TAF4B: variants seen among roughly 807,000 people sequenced by gnomAD.
The protein encoded by TAF4B is transcription initiation factor TFIID subunit 4B.
Under a neutral mutation model 86.4 loss-of-function variants are expected in TAF4B, and 38 were observed. That is an observed-to-expected ratio of 0.44 (90% CI 0.34 to 0.58). The LOEUF is 0.58. TAF4B is among the 20% of genes least tolerant of loss of function. The pLI is 0.02. For synonymous variants in TAF4B, 388 were observed against 391.2 expected (o/e 0.99, Z 0.10); for missense variants, 988 against 1,027.6 (o/e 0.96, Z 0.53).
intron 13 of TAF4B, among the ~76,000 whole-genome samples, chr18:26,354,603 A>C (rs1422156379): frequency 1.3e-5 from 2 of 152,200 alleles, no homozygotes; most frequent in Admixed American, 1.3e-4. Flanking sequence ...TTTTAGGCCA[A>C]GGTTCAGGCC....
intron 14 of TAF4B, among the ~76,000 whole-genome samples, chr18:26,377,458 T>C (rs919829795): frequency 1.3e-5 from 2 of 152,212 alleles, no homozygotes; most frequent in Non-Finnish European, 2.9e-5. Flanking sequence ...TTCTTAACTC[T>C]GCATATATGA....
At chr18:26,377,893 C>T (rs1201626877) in intron 14 of TAF4B, among the ~76,000 whole-genome samples, 1 of 152,124 alleles carries the variant, frequency 6.6e-6, no homozygotes, top group African/African-American at 2.4e-5. Flanking sequence ...ACTAGTATTA[C>T]ATGTAGCAAA....
At chr18:26,340,292 T>C (rs1031853169) in intron 13 of TAF4B, among the ~76,000 whole-genome samples, 4 of 152,202 alleles carry the variant, frequency 2.6e-5, no homozygotes, top group African/African-American at 9.6e-5. Context: ...TTTGAAAATA[T>C]ATGAAGTCAA....
chr18:26,298,224 T>C (rs1019241363), intron 9 of TAF4B, among the ~76,000 whole-genome samples: 3 of 151,838 alleles, frequency 2.0e-5, no homozygotes, highest in African/African-American at 7.3e-5. Flanking sequence ...ATTAATTAAT[T>C]AATTTATTTA....
chr18:26,370,634 A>AT (rs992062752), intron 14 of TAF4B, among the ~76,000 whole-genome samples: 5 of 152,130 alleles, frequency 3.3e-5, no homozygotes, highest in African/African-American at 1.2e-4. Flanking sequence ...CCCCCAGAGA[A>AT]TGAGGTACGA....
intron 9 of TAF4B, among the ~76,000 whole-genome samples, chr18:26,300,527 G>T (rs1598775779): frequency 7.2e-6 from 1 of 138,176 alleles, no homozygotes; most frequent in African/African-American, 2.7e-5. Flanking sequence ...TTAATTTATT[G>T]GTACAAATAT....
intron 1 of TAF4B, among the ~76,000 whole-genome samples, chr18:26,246,161 T>C (rs892262803): frequency 4.6e-5 from 7 of 152,166 alleles, no homozygotes; most frequent in African/African-American, 1.7e-4. Flanking sequence ...CATTAATTAA[T>C]GGTAAGAATA....
At chr18:26,385,690 TTTTTCTTC>T (rs1306063780) in intron 14 of TAF4B, among the ~76,000 whole-genome samples, 5 of 144,692 alleles carry the variant, frequency 3.5e-5, no homozygotes, top group African/African-American at 1.3e-4. Flanking sequence ...TTTTTTTTTT[TTTTTCTTC>T]TTCTTCTTCT....
chr18:26,322,751 G>A (rs1036241900), intron 11 of TAF4B, among the ~76,000 whole-genome samples: 4 of 151,532 alleles, frequency 2.6e-5, no homozygotes, highest in Non-Finnish European at 5.9e-5. Flanking sequence ...CTCCACTCTA[G>A]TTTTTATATT....
At chr18:26,262,024 C>G (rs2056175320) in intron 1 of TAF4B, among the ~76,000 whole-genome samples, 2 of 152,170 alleles carry the variant, frequency 1.3e-5, no homozygotes, top group African/African-American at 4.8e-5. Context: ...CCTCTCCCAA[C>G]ATGGAACACC....
Position 26,292,362 on chromosome 18 carries a change from T to C in TAF4B, c.1707T>C (p.Pro569=), listed in dbSNP as rs745557855. 6.2e-7 allele frequency: 1 copy of C among 1,613,608 alleles called. No individual in the cohort carries two copies. The highest frequency in any genetic ancestry group is 8.5e-7 in the Non-Finnish European group (1 of 1,179,818). The part of the protein sequence containing the change: ...QKTMPVNTII[P]TSQFPPASIL... ...CGATGCCAGTGAACACCATAATACCTACTAGTCAGTTTCCTCCAGGTAGAT... is the reference window on the plus strand; with the variant it reads ...CGATGCCAGTGAACACCATAATACCCACTAGTCAGTTTCCTCCAGGTAGAT... Residue 569 remains proline, a synonymous_variant, in exon 8 of 15, where the codon CCT becomes CCC. Transcript: ENST00000269142.
chr18:26,300,398 C>G (rs1302154523), intron 9 of TAF4B, among the ~76,000 whole-genome samples: 1 of 148,354 alleles, frequency 6.7e-6, no homozygotes, highest in African/African-American at 2.5e-5. Flanking sequence ...ATAAAAACAA[C>G]AACAACAAAA....
At chr18:26,288,500 T>C (rs2056554411) in intron 7 of TAF4B, among the ~76,000 whole-genome samples, 2 of 152,062 alleles carry the variant, frequency 1.3e-5, no homozygotes, top group Non-Finnish European at 2.9e-5. Context: ...CCAGGTGTGG[T>C]GGTGGGCACC....
chr18:26,334,157 G>T (rs1272330141), intron 12 of TAF4B, among the ~76,000 whole-genome samples: 2 of 152,044 alleles, frequency 1.3e-5, no homozygotes, highest in Non-Finnish European at 2.9e-5. Flanking sequence ...CTAAAATGAA[G>T]AAAAATTTTA....
chr18:26,336,955 A>G (rs1341659147), intron 13 of TAF4B, among the ~76,000 whole-genome samples: 1 of 152,186 alleles, frequency 6.6e-6, no homozygotes, highest in East Asian at 1.9e-4. Flanking sequence ...ATGTTGTTTA[A>G]TAATTCCGTA....
intron 13 of TAF4B, among the ~76,000 whole-genome samples, chr18:26,346,899 ATGTGTG>A (rs1187552519): frequency 0.014 from 141 of 9,958 alleles, 15 homozygotes; most frequent in African/African-American, 0.025. Context: ...ATATATATAT[ATGTGTG>A]TGTATATATA....
chr18:26,289,826 C>T (rs899408528), intron 7 of TAF4B, among the ~76,000 whole-genome samples: 5 of 152,122 alleles, frequency 3.3e-5, no homozygotes, highest in Non-Finnish European at 7.4e-5. Flanking sequence ...AGCAGATGTT[C>T]AGGAGTGTAC....
intron 6 of TAF4B, among the ~76,000 whole-genome samples, chr18:26,283,382 G>A (rs1026888490): frequency 6.6e-6 from 1 of 152,054 alleles, no homozygotes; most frequent in African/African-American, 2.4e-5. Flanking sequence ...AGAACTTCTG[G>A]GTGACGAGGT....
chr18:26,243,705 C>G lies in TAF4B; in HGVS notation c.343+16429C>G, dbSNP rs140567664. 2.4e-3 allele frequency among the ~76,000 whole-genome samples: 363 copies of G among 152,296 alleles called. 1 individual carries two copies. Among genetic ancestry groups the G allele is most frequent in the African/African-American group, 8.3e-3 (347 of 41,558 alleles). On this transcript the variant is annotated intron_variant, in intron 1 of 14. Transcript: ENST00000269142. ...TCAGCTTTTCTGCTCTGGTTTCTTTCCATCTTTGTGGTTTTGTCTACCTTT... is the reference window on the plus strand; with the variant it reads ...TCAGCTTTTCTGCTCTGGTTTCTTTGCATCTTTGTGGTTTTGTCTACCTTT...
Sources: gnomAD v4.1 joint callset for allele counts (sites outside exome capture counted in the v4.1 genomes callset) on GRCh38, gnomAD v4.1.1 for gene constraint, MANE v1.5 for transcripts, NCBI Gene and HGNC (gene_info 2026-07-23, HGNC 2026-07-21) for gene names.